Variants in MAP3K5 observed in about 807,000 individuals in gnomAD.
MAP3K5 encodes the protein ASK-1.
MAP3K5 carries 56 observed loss-of-function variants against 158.7 expected under a neutral mutation model. The observed-to-expected ratio is 0.35, with a 90% CI of 0.28 to 0.44. The LOEUF (loss-of-function observed/expected upper bound fraction) is 0.44, where lower values mean the gene tolerates loss of function less well. Ranked by LOEUF, MAP3K5 falls within the 20% of genes least tolerant of loss-of-function variation. The pLI, the probability that MAP3K5 is intolerant of heterozygous loss-of-function variation, is 1.00. For missense variants in MAP3K5, 1,294 were observed against 1,674.8 expected, an observed-to-expected ratio of 0.77 and a Z score of 3.97; for synonymous variants, 579 against 601.7, an observed-to-expected ratio of 0.96 and a Z score of 0.55.
At chr6:136,746,121 T>C (rs1015210899) in intron 1 of MAP3K5, among the ~76,000 whole-genome samples, 5 of 152,186 alleles carry the variant, frequency 3.3e-5, no homozygotes, top group Non-Finnish European at 5.9e-5. Flanking sequence ...ATACTTCAAA[T>C]GATTTAATAT....
intron 27 of MAP3K5, 97 bp downstream of exon 27, chr6:136,562,406 T>C: frequency 1.8e-6 from 1 of 566,040 alleles, no homozygotes; most frequent in Non-Finnish European, 3.1e-6. Context: ...AAGTGAGAAA[T>C]GCTGACTTAG....
chr6:136,673,595 T>C (rs1337820806), intron 7 of MAP3K5, among the ~76,000 whole-genome samples: 2 of 151,376 alleles, frequency 1.3e-5, no homozygotes, highest in African/African-American at 2.4e-5. Context: ...ATACAATACC[T>C]GAAAACAATA....
intron 14 of MAP3K5, among the ~76,000 whole-genome samples, chr6:136,629,603 C>T (rs559474762): frequency 1.3e-4 from 19 of 151,568 alleles, no homozygotes; most frequent in African/African-American, 3.4e-4. Flanking sequence ...TACAGGTGCC[C>T]GCCACCACAC....
chr6:136,572,173 A>G (rs1278882153), intron 25 of MAP3K5, among the ~76,000 whole-genome samples: 1 of 152,258 alleles, frequency 6.6e-6, no homozygotes, highest in Non-Finnish European at 1.5e-5. Context: ...AATTTAAGAA[A>G]GTGTGATTCT....
intron 7 of MAP3K5, among the ~76,000 whole-genome samples, chr6:136,678,532 T>C (rs1437830896): frequency 6.6e-6 from 1 of 152,178 alleles, no homozygotes; most frequent in Non-Finnish European, 1.5e-5. Context: ...CAAAACTATC[T>C]ATAAAGATAG....
chr6:136,623,178 A>G (rs1583289344), intron 14 of MAP3K5, among the ~76,000 whole-genome samples, 197 bp from the exon 15 acceptor site: 1 of 152,266 alleles, frequency 6.6e-6, no homozygotes, highest in East Asian at 1.9e-4. Flanking sequence ...GTTTTCACAA[A>G]CTGTTACAAA....
intron 1 of MAP3K5, among the ~76,000 whole-genome samples, chr6:136,762,252 G>A: frequency 6.6e-6 from 1 of 152,192 alleles, no homozygotes; most frequent in Non-Finnish European, 1.5e-5. Context: ...AGAGGTAAAT[G>A]GGAAGGGAGA....
At chr6:136,738,789 T>C (rs1570056) in intron 1 of MAP3K5, among the ~76,000 whole-genome samples, 77,953 of 151,724 alleles carry the variant, frequency 0.51, 20,505 homozygotes, top group African/African-American at 0.63. Context: ...AGACGGCTGA[T>C]GGCCTAAGGA....
intron 14 of MAP3K5, among the ~76,000 whole-genome samples, chr6:136,630,531 T>C (rs753815988): frequency 1.2e-4 from 19 of 152,218 alleles, no homozygotes; most frequent in Non-Finnish European, 1.8e-4. Flanking sequence ...AAAAAAACCT[T>C]ATCTAAATTT....
intron 1 of MAP3K5, among the ~76,000 whole-genome samples, chr6:136,778,830 G>C (rs1339347059): frequency 6.6e-6 from 1 of 152,134 alleles, no homozygotes; most frequent in Non-Finnish European, 1.5e-5. Flanking sequence ...CAAAAAAACT[G>C]ATCGACTGAT....
chr6:136,698,636 T>A lies in MAP3K5; in HGVS notation c.659A>T (p.His220Leu). The A allele has an allele frequency of 6.2e-7, 1 of 1,614,004 alleles. No individual in the cohort carries two copies. Among genetic ancestry groups the A allele is most frequent in the Non-Finnish European group, 8.5e-7 (1 of 1,179,962 alleles). Reference protein sequence around the residue: ...YTFVPYMITPHNKVYCCDSSF... With the variant: ...YTFVPYMITPLNKVYCCDSSF... ...GCTGTCACAGCAGTAGACTTTGTTA[T>A]GTGGAGTTATCATGTAAGGAACAAA... Residue 220 changes from histidine (H) to leucine (L), a missense_variant, in exon 4 of 30, where the codon CAT becomes CTT. This residue lies in a region of MAP3K5 where 690 missense variants were observed against 870.5 expected (regional missense o/e 0.79). Coordinates refer to ENST00000359015, the MANE Select transcript of MAP3K5 (RefSeq NM_005923.4).
intron 14 of MAP3K5, among the ~76,000 whole-genome samples, chr6:136,634,198 A>C (rs527870681): frequency 1.3e-5 from 2 of 152,366 alleles, no homozygotes; most frequent in Non-Finnish European, 2.9e-5. Context: ...ATGTAACCAA[A>C]TATATAATGG....
intron 1 of MAP3K5, among the ~76,000 whole-genome samples, chr6:136,728,264 T>C (rs957941557): frequency 1.3e-5 from 2 of 152,306 alleles, no homozygotes; most frequent in African/African-American, 4.8e-5. Flanking sequence ...GTTAGTTAAA[T>C]ATCTCACATG....
chr6:136,636,472 T>C (rs1037514709), intron 14 of MAP3K5, among the ~76,000 whole-genome samples: 1 of 152,114 alleles, frequency 6.6e-6, no homozygotes, highest in African/African-American at 2.4e-5. Context: ...AGTCAAACAC[T>C]GGGAAGGGCT....
intron 1 of MAP3K5, among the ~76,000 whole-genome samples, chr6:136,740,485 C>T (rs967626039): frequency 6.6e-5 from 10 of 152,140 alleles, no homozygotes; most frequent in Non-Finnish European, 1.3e-4. Context: ...ACCACGTGTC[C>T]CCTGAGTCCT....
At chr6:136,776,242 TTTTA>T (rs1022188845) in intron 1 of MAP3K5, among the ~76,000 whole-genome samples, 3 of 152,162 alleles carry the variant, frequency 2.0e-5, no homozygotes, top group Middle Eastern at 3.2e-3. Context: ...GTCTTTTATT[TTTTA>T]TTTATTTATT....
At chr6:136,611,948 C>T (rs1193586630) in intron 17 of MAP3K5, among the ~76,000 whole-genome samples, 1 of 152,130 alleles carries the variant, frequency 6.6e-6, no homozygotes, top group African/African-American at 2.4e-5. Flanking sequence ...GAAGACTGGC[C>T]TTTTGAGATG....
intron 25 of MAP3K5, 102 bp downstream of exon 25, chr6:136,580,199 T>C (rs971252944): frequency 3.9e-6 from 3 of 771,230 alleles, no homozygotes; most frequent in Non-Finnish European, 4.5e-6. Context: ...AAAAGGGTAT[T>C]ATGGTTTTTA....
At chr6:136,709,131 T>C (rs991739080) in intron 2 of MAP3K5, among the ~76,000 whole-genome samples, 1 of 152,340 alleles carries the variant, frequency 6.6e-6, no homozygotes, top group East Asian at 1.9e-4. Flanking sequence ...CCTATGATTC[T>C]CTCACCCTAC....
Sources: allele counts gnomAD v4.1 joint callset (sites outside exome capture counted in the v4.1 genomes callset), GRCh38; gene constraint gnomAD v4.1.1; regional missense constraint gnomAD v4.1.1; transcripts MANE v1.5; gene names NCBI Gene and HGNC (gene_info 2026-07-23, HGNC 2026-07-21).